The following CAMTA1 variants were observed in gnomAD, a reference collection of about 807,000 sequenced individuals.
CAMTA1 encodes the protein calmodulin binding transcription activator 1.
Under a neutral mutation model 170.9 loss-of-function variants are expected in CAMTA1, and 27 were observed. The observed-to-expected ratio is 0.16, with a 90% CI of 0.12 to 0.22. CAMTA1 has a LOEUF of 0.22. Among genes scored for constraint, CAMTA1 ranks in the 10% least tolerant of loss-of-function variants. The pLI, the probability that CAMTA1 is intolerant of heterozygous loss-of-function variation, is 1.00. For missense variants in CAMTA1, 1,619 were observed against 2,217.2 expected (o/e 0.73, Z 5.42); for synonymous variants, 833 against 891.5 (o/e 0.93, Z 1.17).
chr1:6,845,232 G>A (rs1462504446), intron 3 of CAMTA1, among the ~76,000 whole-genome samples: 1 of 152,194 alleles, frequency 6.6e-6, no homozygotes, highest in Non-Finnish European at 1.5e-5. Context: ...GCCAGCAGCT[G>A]ATGGTCCAGG....
In CAMTA1 at chr1:7,768,240, G is replaced by A. The variant is rs572503718; in HGVS notation, c.*1749G>A. 1.3e-5 allele frequency: 2 copies of A among 152,336 alleles called. No individual in the cohort carries two copies. The highest frequency in any genetic ancestry group is 4.2e-4 in the South Asian group (2 of 4,796). 9.4% of individuals were successfully genotyped at this position (152,336 alleles called of 1,614,324 possible). A position where few individuals can be genotyped will look rare whatever the true frequency, so the allele number is the denominator to read the frequency against. On this transcript the variant is annotated 3_prime_UTR_variant, in exon 23 of 23. Coordinates refer to ENST00000303635, the MANE Select transcript of CAMTA1 (RefSeq NM_015215.4). ...GCACAAAAAAAAAAATGAAAAAGAT[G>A]CAGACTGGTCTTTTAGAGACGGCAT...
chr1:7,230,428 G>GC (rs1225679462), intron 4 of CAMTA1, among the ~76,000 whole-genome samples: 1 of 114,032 alleles, frequency 8.8e-6, no homozygotes, highest in African/African-American at 4.2e-5. Context: ...GCTGCTCTGG[G>GC]CTGACCCCCC....
At chr1:7,342,348 G>A (rs906129351) in intron 5 of CAMTA1, among the ~76,000 whole-genome samples, 1 of 152,174 alleles carries the variant, frequency 6.6e-6, no homozygotes, top group African/African-American at 2.4e-5. Context: ...GACTCAGCTG[G>A]CGATTCCTCT....
chr1:7,310,437 G>A (rs1317904898), intron 5 of CAMTA1, among the ~76,000 whole-genome samples: 2 of 152,088 alleles, frequency 1.3e-5, no homozygotes, highest in African/African-American at 4.8e-5. Flanking sequence ...CATAGATACT[G>A]CATAACAGAA....
chr1:7,208,301 T>G (rs1039770237), intron 4 of CAMTA1, among the ~76,000 whole-genome samples: 1 of 152,268 alleles, frequency 6.6e-6, no homozygotes, highest in African/African-American at 2.4e-5. Context: ...TGTTTGTTCA[T>G]TTGGTAAACA....
intron 6 of CAMTA1, among the ~76,000 whole-genome samples, chr1:7,495,177 C>G (rs576295978): frequency 6.6e-6 from 1 of 152,216 alleles, no homozygotes; most frequent in African/African-American, 2.4e-5. Context: ...ATAATTATCT[C>G]CAACCAGACA....
chr1:7,317,386 C>A (rs1200245292), intron 5 of CAMTA1, among the ~76,000 whole-genome samples: 1 of 152,204 alleles, frequency 6.6e-6, no homozygotes, highest in Non-Finnish European at 1.5e-5. Context: ...GTCACTCAAC[C>A]TCTCTGTGGC....
At chr1:7,174,273 C>A (rs1404648761) in intron 4 of CAMTA1, among the ~76,000 whole-genome samples, 1 of 152,150 alleles carries the variant, frequency 6.6e-6, no homozygotes, top group Non-Finnish European at 1.5e-5. Context: ...TAGTCACTAT[C>A]AACAAGGAAA....
chr1:7,697,009 T>C (rs192936682), intron 11 of CAMTA1, among the ~76,000 whole-genome samples: 1 of 152,290 alleles, frequency 6.6e-6, no homozygotes, highest in African/African-American at 2.4e-5. Flanking sequence ...TACTCCTGAA[T>C]GGCTACAGAA....
intron 3 of CAMTA1, among the ~76,000 whole-genome samples, chr1:6,956,963 C>T (rs887742516): frequency 6.6e-6 from 1 of 152,184 alleles, no homozygotes; most frequent in Non-Finnish European, 1.5e-5. Context: ...TTGGTGGGGG[C>T]CCAGCTGAGC....
At chr1:7,218,718 C>G (rs935570424) in intron 4 of CAMTA1, among the ~76,000 whole-genome samples, 4 of 152,180 alleles carry the variant, frequency 2.6e-5, no homozygotes, top group Non-Finnish European at 5.9e-5. Flanking sequence ...CCTAAACTCT[C>G]CATGCTCGAC....
At chr1:7,340,994 C>T (rs1489370582) in intron 5 of CAMTA1, among the ~76,000 whole-genome samples, 4 of 152,238 alleles carry the variant, frequency 2.6e-5, no homozygotes, top group Non-Finnish European at 5.9e-5. Flanking sequence ...GTAGCCTGGG[C>T]TGGCCAGGGT....
Position 7,642,308 on chromosome 1 carries a change from G to A in CAMTA1, c.664+1755G>A, listed in dbSNP as rs2095768781. Among the ~76,000 whole-genome samples, 1 of 152,184 alleles carries A rather than the reference G, an allele frequency of 6.6e-6. No individual in the cohort carries two copies. Among genetic ancestry groups the A allele is most frequent in the South Asian group, 2.1e-4 (1 of 4,836 alleles). ...CTGCACAGTGCTGGGTGTGCACAAG[G>A]CCCTGGAAATAGCCCTGGAATGGTG... On this transcript the variant is annotated intron_variant, in intron 7 of 22. Coordinates refer to ENST00000303635, the MANE Select transcript of CAMTA1 (RefSeq NM_015215.4). The surrounding 1 kb of genome is among the most constrained non-coding windows in gnomAD (Gnocchi z 6.3).
chr1:7,372,181 C>A (rs907620473), intron 5 of CAMTA1, among the ~76,000 whole-genome samples: 4 of 152,304 alleles, frequency 2.6e-5, no homozygotes, highest in African/African-American at 9.6e-5. Flanking sequence ...TAAATCCCTC[C>A]CCAACCTCCC....
chr1:7,227,965 G>A (rs1367681400), intron 4 of CAMTA1, among the ~76,000 whole-genome samples: 3 of 152,202 alleles, frequency 2.0e-5, no homozygotes, highest in African/African-American at 7.2e-5. Flanking sequence ...ACCTGCCAAA[G>A]GTTGTCGCCA....
intron 5 of CAMTA1, among the ~76,000 whole-genome samples, chr1:7,351,515 G>C (rs1225138254): frequency 6.6e-6 from 1 of 152,220 alleles, no homozygotes; most frequent in African/African-American, 2.4e-5. Flanking sequence ...AGCAGGTCGG[G>C]GGACCTCTGC....
chr1:7,337,972 A>G (rs2083514288), intron 5 of CAMTA1, among the ~76,000 whole-genome samples: 1 of 145,190 alleles, frequency 6.9e-6, no homozygotes. Context: ...GTATATATAT[A>G]TGTATTATAT....
At chr1:7,410,407 G>T (rs1196731100) in intron 5 of CAMTA1, among the ~76,000 whole-genome samples, 1 of 152,192 alleles carries the variant, frequency 6.6e-6, no homozygotes, top group African/African-American at 2.4e-5. Context: ...GGCCCCTCCC[G>T]CCTGTCGTCA....
At chr1:6,908,232 G>GGGAGGGGCACAGGCACGT (rs1052452777) in intron 3 of CAMTA1, among the ~76,000 whole-genome samples, 4 of 152,094 alleles carry the variant, frequency 2.6e-5, no homozygotes, top group Non-Finnish European at 5.9e-5. Context: ...TCCCCTCCAG[G>GGGAGGGGCACAGGCACGT]GTGCCAAGGC....
Sources: allele counts gnomAD v4.1 joint callset (sites outside exome capture counted in the v4.1 genomes callset), GRCh38; gene constraint gnomAD v4.1.1; non-coding constraint Gnocchi (gnomAD v3.1); transcripts MANE v1.5; gene names NCBI Gene and HGNC (gene_info 2026-07-23, HGNC 2026-07-21).